The following INSL6 variants were observed in gnomAD, a reference collection of about 807,000 sequenced individuals.
The protein encoded by INSL6 is insulin like 6.
INSL6 carries 16 observed loss-of-function variants against 9.4 expected under a neutral mutation model. The observed-to-expected ratio is 1.70, with a 90% CI of 1.15 to 2.59. The LOEUF is 2.59. INSL6 is among the 30% of genes most tolerant of loss of function. The pLI, the probability that INSL6 is intolerant of heterozygous loss-of-function variation, is 0.00. For missense variants in INSL6, 391 were observed against 257.3 expected, an observed-to-expected ratio of 1.52 and a Z score of -3.56; for synonymous variants, 154 against 96.9, an observed-to-expected ratio of 1.59 and a Z score of -3.46.
chr9:5,056,589 A>C, the INSL6 span, among the ~76,000 whole-genome samples: 5 of 152,142 alleles, frequency 3.3e-5, no homozygotes, highest in Non-Finnish European at 5.9e-5. Flanking sequence ...TGCCTAGTAG[A>C]CTGTGAGCCT....
downstream of INSL6, among the ~76,000 whole-genome samples, chr9:5,119,319 A>T (rs1408278903): frequency 6.6e-6 from 1 of 152,124 alleles, no homozygotes; most frequent in Non-Finnish European, 1.5e-5. Context: ...TTTATTATGA[A>T]GCTAATGAAG....
the INSL6 span, among the ~76,000 whole-genome samples, chr9:4,998,770 C>G: frequency 6.6e-6 from 1 of 151,640 alleles, no homozygotes; most frequent in Non-Finnish European, 1.5e-5. Flanking sequence ...AAACCAAAAC[C>G]AGAAAAGGGA....
the INSL6 span, among the ~76,000 whole-genome samples, chr9:5,074,810 C>T: frequency 6.6e-6 from 1 of 152,100 alleles, no homozygotes; most frequent in Admixed American, 6.5e-5. Flanking sequence ...TCCAGAAGAT[C>T]TAGCAAAGAC....
chr9:5,079,500 T>G, the INSL6 span, among the ~76,000 whole-genome samples: 1 of 127,796 alleles, frequency 7.8e-6, no homozygotes, highest in African/African-American at 4.7e-5. Context: ...GTCCTTGGGT[T>G]TTTTTTTTTA....
chr9:5,113,917 T>C, the INSL6 span: 1 of 233,792 alleles, frequency 4.3e-6, no homozygotes, highest in African/African-American at 2.3e-5. Context: ...CAGTGGACAC[T>C]TACCCCCGAC....
intron 2 of INSL6, among the ~76,000 whole-genome samples, chr9:5,135,930 T>C (rs1824380233): frequency 6.6e-6 from 1 of 151,970 alleles, no homozygotes; most frequent in Admixed American, 6.6e-5. Context: ...TAATAAAAAA[T>C]GATAAAGGGG....
Position 5,185,387 on chromosome 9 carries a change from G to C in INSL6, c.216C>G (p.Val72=), listed in dbSNP as rs755834086. 1 of 1,614,116 alleles carries C rather than the reference G, an allele frequency of 6.2e-7. No individual in the cohort carries two copies. The highest frequency in any genetic ancestry group is 8.5e-7 in the Non-Finnish European group (1 of 1,180,032). ...SRLIAQASEK[V]EAYSPYQFES... is the part of the protein sequence containing the mutation. ...CGAACTGGTATGGGCTGTAGGCTTCGACCTTCTCCGAGGCCTGTGCAATCA... is the reference window on the plus strand; with the variant it reads ...CGAACTGGTATGGGCTGTAGGCTTCCACCTTCTCCGAGGCCTGTGCAATCA... The change falls in exon 1 of 2, where the codon GTC becomes GTG. Residue 72 remains valine, a synonymous_variant. Transcript: ENST00000381641.
At chr9:5,049,836 C>T in the INSL6 span, among the ~76,000 whole-genome samples, 1 of 152,148 alleles carries the variant, frequency 6.6e-6, no homozygotes, top group African/African-American at 2.4e-5. Flanking sequence ...TTGCTCTAGG[C>T]TACAAACTTA....
chr9:5,112,003 C>T, the INSL6 span: 5 of 380,852 alleles, frequency 1.3e-5, no homozygotes, highest in South Asian at 2.0e-5. Flanking sequence ...GGAGGGACGT[C>T]GCACTAGCCT....
chr9:5,053,140 A>C, the INSL6 span, among the ~76,000 whole-genome samples: 1 of 151,952 alleles, frequency 6.6e-6, no homozygotes, highest in Non-Finnish European at 1.5e-5. Flanking sequence ...CTCTTTCCGC[A>C]CTTGTTTCTG....
At chr9:5,066,718 C>G in the INSL6 span, 1 of 1,609,954 alleles carries the variant, frequency 6.2e-7, no homozygotes, top group Non-Finnish European at 8.5e-7. Flanking sequence ...AGCAGGTAAT[C>G]AGACTGGACT....
chr9:5,155,986 A>C (rs2130899260), intron 2 of INSL6, among the ~76,000 whole-genome samples: 1 of 152,320 alleles, frequency 6.6e-6, no homozygotes, highest in Non-Finnish European at 1.5e-5. Flanking sequence ...AGTAAAAAAG[A>C]AAAACCACAC....
At chr9:5,103,013 C>A in the INSL6 span, among the ~76,000 whole-genome samples, 3 of 151,876 alleles carry the variant, frequency 2.0e-5, no homozygotes, top group Non-Finnish European at 4.4e-5. Context: ...CAGCTAACAT[C>A]ATAATAACAG....
At chr9:5,043,114 GC>G in the INSL6 span, among the ~76,000 whole-genome samples, 3 of 152,162 alleles carry the variant, frequency 2.0e-5, no homozygotes, top group Admixed American at 1.3e-4. Flanking sequence ...ATGCCTTAAA[GC>G]CCCCGACCCA....
chr9:5,161,792 A>G (rs1302130821), downstream of INSL6, among the ~76,000 whole-genome samples: 1 of 152,214 alleles, frequency 6.6e-6, no homozygotes, highest in Non-Finnish European at 1.5e-5. Context: ...ATGTGCCAAG[A>G]GCAAACAATC....
chr9:5,014,312 A>G, the INSL6 span, among the ~76,000 whole-genome samples: 1 of 150,860 alleles, frequency 6.6e-6, no homozygotes, highest in African/African-American at 2.4e-5. Flanking sequence ...CCTCTTATTT[A>G]CTCTTTATTC....
the INSL6 span, among the ~76,000 whole-genome samples, chr9:5,104,664 A>C: frequency 6.6e-6 from 1 of 152,216 alleles, no homozygotes; most frequent in East Asian, 1.9e-4. Context: ...CCTCAATAAA[A>C]TACTGGCAAA....
At chr9:5,025,363 A>T in the INSL6 span, among the ~76,000 whole-genome samples, 1 of 152,114 alleles carries the variant, frequency 6.6e-6, no homozygotes, top group African/African-American at 2.4e-5. Flanking sequence ...TATACTTAAG[A>T]TGGAATTGTC....
At chr9:5,122,907 C>T (rs1307677230), downstream of INSL6, 1 of 751,848 alleles carries the variant, frequency 1.3e-6, no homozygotes, top group Admixed American at 2.8e-5. Flanking sequence ...CTTTTCTCTA[C>T]ATGTTTTTTT....
Sources: gnomAD v4.1 joint callset for allele counts (sites outside exome capture counted in the v4.1 genomes callset) on GRCh38, gnomAD v4.1.1 for gene constraint, MANE v1.5 for transcripts, NCBI Gene and HGNC (gene_info 2026-07-23, HGNC 2026-07-21) for gene names.